CNBD1: variants seen among roughly 807,000 people sequenced by gnomAD.
CNBD1 encodes the protein cyclic nucleotide binding domain containing 1.
Under a neutral mutation model 54.4 loss-of-function variants are expected in CNBD1, and 71 were observed. That is an observed-to-expected ratio of 1.30 (90% CI 1.08 to 1.59). The LOEUF (loss-of-function observed/expected upper bound fraction) is 1.59, where lower values mean the gene tolerates loss of function less well. CNBD1 is among the 40% of genes most tolerant of loss of function. The probability of loss-of-function intolerance (pLI) is 0.00; values close to 1 mark genes in which losing one functional copy is unlikely to be tolerated. For synonymous variants in CNBD1, 182 were observed against 170.7 expected (o/e 1.07, Z -0.51); for missense variants, 659 against 518.0 (o/e 1.27, Z -2.64).
intron 2 of CNBD1, among the ~76,000 whole-genome samples, chr8:87,409,382 T>C (rs886460203): frequency 1.3e-5 from 2 of 152,150 alleles, no homozygotes; most frequent in Non-Finnish European, 2.9e-5. Context: ...ATTTGAAAGC[T>C]AACAGAGGTT....
intron 6 of CNBD1, among the ~76,000 whole-genome samples, chr8:87,273,860 G>T (rs1177458311): frequency 6.6e-6 from 1 of 151,664 alleles, no homozygotes; most frequent in East Asian, 1.9e-4. Context: ...CCATGCTGGT[G>T]TGCTGCACCC....
intron 4 of CNBD1, among the ~76,000 whole-genome samples, chr8:87,148,939 A>G (rs1311654751): frequency 6.6e-6 from 1 of 152,212 alleles, no homozygotes; most frequent in Non-Finnish European, 1.5e-5. Flanking sequence ...CAATCTCCCT[A>G]TCTGATGAAA....
chr8:87,375,794 T>C (rs772067172), intron 10 of CNBD1, among the ~76,000 whole-genome samples: 12 of 151,908 alleles, frequency 7.9e-5, no homozygotes, highest in Non-Finnish European at 1.5e-4. Context: ...GTTTTCAAGT[T>C]CTTTTGCAAA....
intron 10 of CNBD1, 32 bp from the exon 11 acceptor site, chr8:87,382,588 T>C: frequency 1.3e-6 from 2 of 1,523,912 alleles, no homozygotes; most frequent in Non-Finnish European, 1.8e-6. Context: ...ATTTATTATG[T>C]AACTTCTTGT....
At chr8:87,330,834 G>A (rs1312359378) in intron 8 of CNBD1, among the ~76,000 whole-genome samples, 1 of 152,010 alleles carries the variant, frequency 6.6e-6, no homozygotes, top group East Asian at 1.9e-4. Flanking sequence ...ATATGAATTA[G>A]AATTTAACTG....
chr8:87,115,301 A>G (rs983992029), intron 4 of CNBD1, among the ~76,000 whole-genome samples: 17 of 152,216 alleles, frequency 1.1e-4, no homozygotes, highest in African/African-American at 4.1e-4. Context: ...CAGTATCTCT[A>G]TTTTTAAAAC....
chr8:86,980,669 G>A (rs77323101), intron 4 of CNBD1, among the ~76,000 whole-genome samples: 3,039 of 152,266 alleles, frequency 0.02, 101 homozygotes, highest in African/African-American at 0.07. Context: ...ATTATTTGCT[G>A]TACTGGTATT....
At chr8:87,411,631 C>A (rs185463298) in intron 2 of CNBD1, among the ~76,000 whole-genome samples, 37 of 148,488 alleles carry the variant, frequency 2.5e-4, no homozygotes, top group African/African-American at 8.3e-4. Context: ...TCTTTTCTGG[C>A]ATAAGACATG....
intron 8 of CNBD1, among the ~76,000 whole-genome samples, chr8:87,314,621 CATG>C (rs1165632473): frequency 6.6e-6 from 1 of 151,768 alleles, no homozygotes; most frequent in Non-Finnish European, 1.5e-5. Flanking sequence ...TATTTTTTCT[CATG>C]ATATTATCAG....
At chr8:87,364,561 G>C (rs1586048853) in intron 10 of CNBD1, among the ~76,000 whole-genome samples, 1 of 151,784 alleles carries the variant, frequency 6.6e-6, no homozygotes, top group Non-Finnish European at 1.5e-5. Context: ...ATGACTCAGT[G>C]GTTTAGTGTA....
intron 3 of CNBD1, among the ~76,000 whole-genome samples, chr8:86,914,738 T>C (rs1586131349): frequency 6.6e-6 from 1 of 152,348 alleles, no homozygotes; most frequent in South Asian, 2.1e-4. Flanking sequence ...ACACTTCCCT[T>C]AAGCTATATA....
chr8:87,428,437 AT>A, intron 2 of CNBD1: 1 of 303,104 alleles, frequency 3.3e-6, no homozygotes, highest in Non-Finnish European at 6.5e-6. Flanking sequence ...GGAAAATTTA[AT>A]TTTGTCTACT....
intron 3 of CNBD1, among the ~76,000 whole-genome samples, chr8:86,927,247 A>G (rs1809377195): frequency 6.6e-6 from 1 of 152,110 alleles, no homozygotes; most frequent in Non-Finnish European, 1.5e-5. Flanking sequence ...AGAAAAAACC[A>G]TTTTGTATTT....
chr8:87,040,642 T>C (rs546865190), intron 4 of CNBD1, among the ~76,000 whole-genome samples: 1 of 151,846 alleles, frequency 6.6e-6, no homozygotes, highest in Non-Finnish European at 1.5e-5. Context: ...GCCAGGATGG[T>C]CTCCATCTCC....
chr8:86,939,248 G>A (rs1222605412), intron 3 of CNBD1, among the ~76,000 whole-genome samples: 1 of 152,036 alleles, frequency 6.6e-6, no homozygotes, highest in Non-Finnish European at 1.5e-5. Flanking sequence ...AAAAACAAAT[G>A]TGTGAGTATA....
chr8:87,180,652 T>A (rs1483550986), intron 4 of CNBD1, among the ~76,000 whole-genome samples: 1 of 152,164 alleles, frequency 6.6e-6, no homozygotes, highest in Non-Finnish European at 1.5e-5. Context: ...TATTTGATAA[T>A]GTAAAGATGA....
intron 8 of CNBD1, among the ~76,000 whole-genome samples, chr8:87,300,939 G>A (rs1302131896): frequency 6.6e-6 from 1 of 151,972 alleles, no homozygotes; most frequent in Non-Finnish European, 1.5e-5. Flanking sequence ...AAATAAAATT[G>A]ATAGACCATT....
At chr8:87,375,462 T>A (rs1586060026) in intron 10 of CNBD1, among the ~76,000 whole-genome samples, 2 of 151,880 alleles carry the variant, frequency 1.3e-5, no homozygotes, top group Admixed American at 6.6e-5. Flanking sequence ...TAGAAATATC[T>A]GTAGATAAAG....
intron 5 of CNBD1, among the ~76,000 whole-genome samples, chr8:87,215,025 T>C (rs867298135): frequency 9.2e-5 from 14 of 152,182 alleles, no homozygotes; most frequent in Non-Finnish European, 1.5e-4. Flanking sequence ...CAAACTTATA[T>C]ACAAATGTTT....
Sources: gnomAD v4.1 joint callset for allele counts (sites outside exome capture counted in the v4.1 genomes callset) on GRCh38, gnomAD v4.1.1 for gene constraint, MANE v1.5 for transcripts, NCBI Gene and HGNC (gene_info 2026-07-23, HGNC 2026-07-21) for gene names.